The following SEC14L3 variants were observed in gnomAD, a reference collection of about 807,000 sequenced individuals.
SEC14L3 encodes SEC14-like protein 3.
Under a neutral mutation model 57.4 loss-of-function variants are expected in SEC14L3, and 56 were observed. The observed-to-expected ratio is 0.97, with a 90% CI of 0.79 to 1.22. SEC14L3 has a LOEUF of 1.22. Ranked by LOEUF, SEC14L3 falls within the 50% of genes most tolerant of loss-of-function variation. The pLI, the probability that SEC14L3 is intolerant of heterozygous loss-of-function variation, is 0.00. For missense variants in SEC14L3, 485 were observed against 511.7 expected, an observed-to-expected ratio of 0.95 and a Z score of 0.50; for synonymous variants, 173 against 194.4, an observed-to-expected ratio of 0.89 and a Z score of 0.92.
intron 1 of SEC14L3, chr22:30,471,263 T>A (rs527960053): frequency 3.4e-4 from 155 of 454,854 alleles, no homozygotes; most frequent in Middle Eastern, 6.5e-4. Context: ...CCAGCCTGGA[T>A]GACAGAGACT....
chr22:30,469,928 C>T lies in SEC14L3; in HGVS notation c.234+91G>A, dbSNP rs986068796. 1.2e-5 allele frequency: 12 copies of T among 982,356 alleles called. No homozygotes were observed. The African/African-American group carries it at 2.0e-4, about 16-fold the overall frequency. The allele number at this position is 982,356 out of a possible 1,614,324, so 60.9% of individuals were successfully genotyped here. A position where few individuals can be genotyped will look rare whatever the true frequency, so the allele number is the denominator to read the frequency against. On this transcript the variant is annotated intron_variant, in intron 4 of 11. Coordinates refer to ENST00000215812, the MANE Select transcript of SEC14L3 (RefSeq NM_174975.5). ...CTGCAGGCCTGCGGGTTCCACAGGC[C>T]TCTCAGGCTTGCTGCCCCTCATTCA...
chr22:30,468,439 T>A, intron 5 of SEC14L3, 69 bp downstream of exon 5: 1 of 1,219,066 alleles, frequency 8.2e-7, no homozygotes, highest in Non-Finnish European at 1.2e-6. Flanking sequence ...ACAGGTGTGT[T>A]TCTGAGACCA....
intron 9 of SEC14L3, 45 bp from the exon 10 acceptor site, chr22:30,461,739 T>C: frequency 6.3e-7 from 1 of 1,578,546 alleles, no homozygotes; most frequent in South Asian, 1.1e-5. Context: ...CTCCTGGCCA[T>C]TGTTCATGTT....
At chr22:30,454,690 T>C (rs1355984477), downstream of SEC14L3, among the ~76,000 whole-genome samples, 1 of 98,740 alleles carries the variant, frequency 1.0e-5, no homozygotes, top group Non-Finnish European at 1.8e-5. Flanking sequence ...ATATAATCTA[T>C]AATCCATAAT....
downstream of SEC14L3, among the ~76,000 whole-genome samples, chr22:30,454,518 T>TTATTATATATAATCTATAA (rs1935045101): frequency 8.1e-6 from 1 of 123,090 alleles, no homozygotes; most frequent in African/African-American, 3.1e-5. Context: ...TATAATAATA[T>TTATTATATATAATCTATAA]TATTATATAT....
At chr22:30,452,758 GGCTA>G (rs1935014204) in intron 12 of SEC14L3, among the ~76,000 whole-genome samples, 1 of 145,180 alleles carries the variant, frequency 6.9e-6, no homozygotes, top group African/African-American at 2.5e-5. Flanking sequence ...CTGTCACCCA[GGCTA>G]AAGTGCAGTG....
chr22:30,466,922 C>G, intron 6 of SEC14L3, 60 bp downstream of exon 6: 1 of 1,531,600 alleles, frequency 6.5e-7, no homozygotes, highest in Middle Eastern at 2.2e-4. Flanking sequence ...GCAGCTGGGT[C>G]ATGGCAGGCC....
downstream of SEC14L3, among the ~76,000 whole-genome samples, chr22:30,454,731 AAT>A (rs1487627712): frequency 1.4e-5 from 1 of 72,996 alleles, no homozygotes; most frequent in African/African-American, 5.6e-5. Context: ...TATAATCTAT[AAT>A]ATATAATAAT....
At chr22:30,464,542 C>A (rs1935356672) in intron 8 of SEC14L3, among the ~76,000 whole-genome samples, 1 of 152,110 alleles carries the variant, frequency 6.6e-6, no homozygotes, top group African/African-American at 2.4e-5. Context: ...GTGATCCTCC[C>A]ACCTCAGCCT....
At chr22:30,457,572 G>T (rs1002825975), downstream of SEC14L3, among the ~76,000 whole-genome samples, 1 of 151,864 alleles carries the variant, frequency 6.6e-6, no homozygotes, top group African/African-American at 2.4e-5. Context: ...TAGTAGAGAC[G>T]GGGTTTCACC....
intron 11 of SEC14L3, among the ~76,000 whole-genome samples, chr22:30,460,775 C>T (rs1935228655): frequency 7.1e-6 from 1 of 140,798 alleles, no homozygotes; most frequent in African/African-American, 2.7e-5. Flanking sequence ...TTGCGGTGAG[C>T]AGAGATTGCA....
intron 6 of SEC14L3, among the ~76,000 whole-genome samples, chr22:30,466,706 AT>A (rs5844910): frequency 0.7 from 106,879 of 151,840 alleles, 38,611 homozygotes; most frequent in African/African-American, 0.86. Flanking sequence ...TTGCTGAAGT[AT>A]CCCTACATTG....
chr22:30,461,261 C>G, intron 11 of SEC14L3, 49 bp downstream of exon 11: 1 of 1,534,558 alleles, frequency 6.5e-7, no homozygotes. Flanking sequence ...AAGCATGGGA[C>G]AGGTGGCTCT....
chr22:30,455,542 C>G (rs1484871162), downstream of SEC14L3, among the ~76,000 whole-genome samples: 1 of 152,114 alleles, frequency 6.6e-6, no homozygotes, highest in East Asian at 1.9e-4. Context: ...CTGCACCTGG[C>G]CTGTGTTGCC....
downstream of SEC14L3, among the ~76,000 whole-genome samples, chr22:30,456,066 G>A (rs1045436021): frequency 3.9e-5 from 6 of 152,102 alleles, no homozygotes; most frequent in African/African-American, 7.2e-5. Flanking sequence ...CCAGCACTTC[G>A]GGAGGCCAAG....
rs1053688395 is a variant in SEC14L3 at position 30,461,324 on chromosome 22, G to A, written c.1067C>T (p.Ser356Leu). The change falls in exon 11 of 12, where the codon TCA becomes TTA. Residue 356 changes from serine (S) to leucine (L), a missense_variant. Physicochemically the swap from Ser to Leu is moderately radical, Grantham distance 145 (BLOSUM62 -2). Coordinates refer to ENST00000215812, the MANE Select transcript of SEC14L3 (RefSeq NM_174975.5). Reference sequence around the variant, plus strand: ...GGCAGACTTACAGACGCCGGCCTCTGAGCAGGTGAGGTTCCCATCCTCGGG... The same window carrying A: ...GGCAGACTTACAGACGCCGGCCTCTAAGCAGGTGAGGTTCCCATCCTCGGG... ...MVPEDGNLTC[S>L]EAGVYVLRFD... is the part of the protein sequence containing the mutation. 6.9e-6 allele frequency: 11 copies of A among 1,600,390 alleles called. No homozygotes were observed. In the African/African-American group the frequency reaches 1.2e-4, roughly 18 times the overall value.
Position 30,464,922 on chromosome 22 carries a change from G to A in SEC14L3, c.581-19C>T. On this transcript the variant is annotated intron_variant, in intron 7 of 11. Coordinates refer to ENST00000215812, the MANE Select transcript of SEC14L3 (RefSeq NM_174975.5). ...TTGGTAGCTGGAGAGATAGAAGTAA[G>A]GATAATGGGAAGAAAAGAATTACAT... is the stretch of plus-strand genomic sequence containing the variant. 1.2e-6 allele frequency: 2 copies of A among 1,613,662 alleles called. No individual in the cohort carries two copies. The highest frequency in any genetic ancestry group is 1.7e-6 in the Non-Finnish European group (2 of 1,179,600).
chr22:30,461,837 C>T, intron 9 of SEC14L3, 143 bp from the exon 10 acceptor site: 2 of 1,228,622 alleles, frequency 1.6e-6, no homozygotes, highest in Non-Finnish European at 2.3e-6. Flanking sequence ...CTTCTATGAC[C>T]CTCCAAACTG....
chr22:30,461,379 G>A lies in SEC14L3; in HGVS notation c.1012C>T (p.Pro338Ser), dbSNP rs1016096958. Residue 338 changes from proline to serine, a missense_variant, in exon 11 of 12, where the codon CCC (proline) becomes TCC (serine). Physicochemically the swap from Pro to Ser is moderately conservative, Grantham distance 74 (BLOSUM62 -1). Coordinates refer to ENST00000215812, the MANE Select transcript of SEC14L3 (RefSeq NM_174975.5). ...ATGTGGGCGTTATAGCGCTGGCTGG[G>A]TAGAACATCTGTCATCTCCCCTGCC... The part of the protein sequence containing the change: ...QRAGEMTDVL[P>S]SQRYNAHMVP... 2 of 1,613,894 alleles carry A rather than the reference G, an allele frequency of 1.2e-6. No homozygotes were observed. The highest frequency in any genetic ancestry group is 4.5e-5 in the East Asian group (2 of 44,870).
Sources: allele counts gnomAD v4.1 joint callset (sites outside exome capture counted in the v4.1 genomes callset), GRCh38; gene constraint gnomAD v4.1.1; transcripts MANE v1.5; gene names NCBI Gene and HGNC (gene_info 2026-07-23, HGNC 2026-07-21).